NXN: variants seen among roughly 807,000 people sequenced by gnomAD.
NXN encodes nucleoredoxin 1.
In NXN, 16 loss-of-function variants were observed where a neutral mutation model predicts 48.6. The ratio of observed to expected loss-of-function variants is 0.33; its 90% CI spans 0.22 to 0.50. The LOEUF (loss-of-function observed/expected upper bound fraction) is 0.50, where lower values mean the gene tolerates loss of function less well. Among genes scored for constraint, NXN ranks in the 20% least tolerant of loss-of-function variants. The pLI, the probability that NXN is intolerant of heterozygous loss-of-function variation, is 0.98. For missense variants in NXN, 492 were observed against 605.5 expected (o/e 0.81, Z 1.97); for synonymous variants, 281 against 269.6 (o/e 1.04, Z -0.41).
intron 1 of NXN, among the ~76,000 whole-genome samples, chr17:875,032 T>C (rs2068198829): frequency 6.6e-6 from 1 of 152,092 alleles, no homozygotes; most frequent in African/African-American, 2.4e-5. Context: ...TACTACCTTT[T>C]TTCTTTTTTT....
intron 1 of NXN, among the ~76,000 whole-genome samples, chr17:947,732 C>CAAA (rs1159185042): frequency 1.2e-3 from 44 of 36,624 alleles, no homozygotes; most frequent in Non-Finnish European, 1.2e-3. Flanking sequence ...GGCTCCCTCT[C>CAAA]AAAAAAAAAA....
At chr17:979,010 T>TC (rs2069497609) in intron 1 of NXN, among the ~76,000 whole-genome samples, 1 of 146,262 alleles carries the variant, frequency 6.8e-6, no homozygotes, top group South Asian at 2.2e-4. Flanking sequence ...CGAGCCGGGA[T>TC]CCCGGGGGCC....
intron 1 of NXN, among the ~76,000 whole-genome samples, chr17:869,296 C>T (rs1241346547): frequency 6.6e-6 from 1 of 152,170 alleles, no homozygotes; most frequent in African/African-American, 2.4e-5. Context: ...CCGTCCAGAA[C>T]TGGCTGCTGA....
intron 1 of NXN, among the ~76,000 whole-genome samples, chr17:827,550 G>A (rs1003749787): frequency 6.6e-6 from 1 of 152,222 alleles, no homozygotes; most frequent in Non-Finnish European, 1.5e-5. Context: ...GTGAACCCGG[G>A]AGGCGGGGCT....
intron 1 of NXN, among the ~76,000 whole-genome samples, chr17:972,350 G>A (rs367681509): frequency 2.6e-5 from 4 of 152,142 alleles, no homozygotes; most frequent in East Asian, 1.9e-4. Flanking sequence ...GGTGGCTGGC[G>A]CCTGTAATCC....
chr17:803,572 A>G (rs1286195376), intron 7 of NXN, 110 bp downstream of exon 7: 3 of 1,378,286 alleles, frequency 2.2e-6, no homozygotes, highest in Non-Finnish European at 3.0e-6. Flanking sequence ...TCAGAAGCAC[A>G]GGCAGCCCTG....
At chr17:853,589 G>A (rs1191049947) in intron 1 of NXN, among the ~76,000 whole-genome samples, 10 of 151,588 alleles carry the variant, frequency 6.6e-5, no homozygotes, top group Admixed American at 2.6e-4. Flanking sequence ...TCAGCTCTTC[G>A]GGGGAGCCTT....
At chr17:918,351 C>G (rs2068710159) in intron 1 of NXN, among the ~76,000 whole-genome samples, 1 of 145,780 alleles carries the variant, frequency 6.9e-6, no homozygotes, top group Non-Finnish European at 1.5e-5. Flanking sequence ...ATGGGAGGAG[C>G]GCACGATCCA....
intron 1 of NXN, among the ~76,000 whole-genome samples, chr17:861,673 C>T (rs1159409166): frequency 1.3e-5 from 2 of 152,010 alleles, no homozygotes; most frequent in Non-Finnish European, 2.9e-5. Context: ...TGTTAAAAGA[C>T]TCAAGAGCCA....
At chr17:824,294 G>C (rs1487822412) in intron 2 of NXN, among the ~76,000 whole-genome samples, 3 of 151,968 alleles carry the variant, frequency 2.0e-5, no homozygotes, top group Non-Finnish European at 4.4e-5. Flanking sequence ...TGATCCACCC[G>C]CCTCAGCCTC....
Position 917,378 on chromosome 17 carries a change from T to C in NXN, c.360+61941A>G, listed in dbSNP as rs1346466378. On this transcript the variant is annotated intron_variant, in intron 1 of 7. Transcript: ENST00000336868. This position sits in a 1 kb window ranked among gnomAD's most constrained non-coding sequence, Gnocchi z 4.5. The stretch of plus-strand genomic sequence containing the variant: ...GGCTGGTCTCAATCTCTTGACCTCG[T>C]GATCCGCCTGCCTTGGCCTCTGAAA... Among the ~76,000 whole-genome samples the C allele has an allele frequency of 6.6e-6, 1 of 152,220 alleles. No homozygotes were observed. The highest frequency in any genetic ancestry group is 1.9e-4 in the East Asian group (1 of 5,184).
intron 1 of NXN, among the ~76,000 whole-genome samples, chr17:871,113 G>A (rs113581739): frequency 0.023 from 3,461 of 151,816 alleles, 152 homozygotes; most frequent in African/African-American, 0.078. Context: ...CGCCCACCTC[G>A]GCCTCCCAAA....
intron 1 of NXN, among the ~76,000 whole-genome samples, chr17:933,782 T>TCAACTTTAGAAATGTGCC (rs2150599126): frequency 6.6e-6 from 1 of 152,260 alleles, no homozygotes; most frequent in East Asian, 1.9e-4. Flanking sequence ...GCCTACGTGG[T>TCAACTTTAGAAATGTGCC]CAACTTTAGA....
chr17:801,204 C>T, intron 7 of NXN, 73 bp from the exon 8 acceptor site: 1 of 1,264,070 alleles, frequency 7.9e-7, no homozygotes, highest in East Asian at 2.9e-5. Context: ...TGGGCCCAGT[C>T]TCCCCAGGTG....
intron 1 of NXN, among the ~76,000 whole-genome samples, chr17:897,758 C>G (rs1308721254): frequency 6.6e-6 from 1 of 152,166 alleles, no homozygotes; most frequent in Non-Finnish European, 1.5e-5. Context: ...TCACTGCAAC[C>G]TCGGCCTCCA....
In NXN at chr17:816,962, C is replaced by G. The variant is rs570507023; in HGVS notation, c.820+2477G>C. Among the ~76,000 whole-genome samples the G allele has an allele frequency of 3.2e-4, 48 of 152,302 alleles. No homozygotes were observed. In the East Asian group the frequency reaches 8.5e-3, roughly 27 times the overall value. ...GGGCCAGGCAGGAGTAAGCGCTGAC[C>G]TCCTTGGCATCTCCAACTTGGGGCC... On this transcript the variant is annotated intron_variant, in intron 5 of 7. Transcript: ENST00000336868.
At chr17:950,464 A>G (rs946822713) in intron 1 of NXN, among the ~76,000 whole-genome samples, 3 of 151,568 alleles carry the variant, frequency 2.0e-5, no homozygotes, top group Admixed American at 1.3e-4. Context: ...TGTGGGGTGC[A>G]AACGGCCGGG....
At chr17:822,218 G>T in intron 4 of NXN, 139 bp downstream of exon 4, 1 of 538,044 alleles carries the variant, frequency 1.9e-6, no homozygotes, top group South Asian at 2.6e-5. Flanking sequence ...GGTGGAGGTT[G>T]CAGTGAGCTG....
intron 1 of NXN, among the ~76,000 whole-genome samples, chr17:930,929 G>A (rs62067205): frequency 1.3e-5 from 2 of 151,722 alleles, no homozygotes; most frequent in African/African-American, 2.4e-5. Flanking sequence ...GAGCCACCAC[G>A]CCCAGCTAAT....
Sources: gnomAD v4.1 joint callset for allele counts (sites outside exome capture counted in the v4.1 genomes callset) on GRCh38, gnomAD v4.1.1 for gene constraint, Gnocchi (gnomAD v3.1) non-coding constraint, MANE v1.5 for transcripts, NCBI Gene and HGNC (gene_info 2026-07-23, HGNC 2026-07-21) for gene names.